The following KATNAL2 variants were observed in gnomAD, a reference collection of about 807,000 sequenced individuals.
The protein encoded by KATNAL2 is katanin catalytic subunit A1 like 2.
Under a neutral mutation model 76.3 loss-of-function variants are expected in KATNAL2, and 52 were observed. That is an observed-to-expected ratio of 0.68 (90% CI 0.55 to 0.86). The LOEUF is 0.86. Ranked by LOEUF, KATNAL2 falls within the 40% of genes least tolerant of loss-of-function variation. KATNAL2 has a pLI of 0.00. For missense variants in KATNAL2, 660 were observed against 668.9 expected, an observed-to-expected ratio of 0.99 and a Z score of 0.15; for synonymous variants, 243 against 244.2, an observed-to-expected ratio of 1.00 and a Z score of 0.05.
At chr18:47,031,374 G>A (rs1055086238) in intron 3 of KATNAL2, among the ~76,000 whole-genome samples, 5 of 151,840 alleles carry the variant, frequency 3.3e-5, no homozygotes, top group South Asian at 2.1e-4. Flanking sequence ...TGGCAGTTTC[G>A]CGTAATTTTT....
chr18:47,033,996 GGACTCACGAGTGCCC>G, intron 3 of KATNAL2: 1 of 1,613,854 alleles, frequency 6.2e-7, no homozygotes, highest in Non-Finnish European at 8.5e-7. Context: ...CCGAATCCCA[GGACTCACGAGTGCCC>G]TTGGATTCGT....
At chr18:46,952,298 C>A (rs887946278) in intron 3 of KATNAL2, among the ~76,000 whole-genome samples, 18 of 151,876 alleles carry the variant, frequency 1.2e-4, no homozygotes, top group African/African-American at 4.4e-4. Flanking sequence ...TGGTTTCAAA[C>A]CCCTGGCCTC....
chr18:46,955,140 C>CTCTTTCTTTTTCTTTCTTTCTT (rs1555834720), intron 3 of KATNAL2, among the ~76,000 whole-genome samples: 1 of 85,020 alleles, frequency 1.2e-5, no homozygotes, highest in Non-Finnish European at 2.3e-5. Flanking sequence ...CTTTCTCTCT[C>CTCTTTCTTTTTCTTTCTTTCTT]TCTTTCTTTC....
intron 3 of KATNAL2, among the ~76,000 whole-genome samples, chr18:46,959,639 C>T (rs570739638): frequency 6.6e-6 from 1 of 152,188 alleles, no homozygotes; most frequent in South Asian, 2.1e-4. Flanking sequence ...AGTAGCAAAA[C>T]CTTCGCTCAC....
At chr18:47,044,777 AC>A (rs1174491423) in intron 3 of KATNAL2, among the ~76,000 whole-genome samples, 1,618 of 145,132 alleles carry the variant, frequency 0.011, 30 homozygotes, top group Middle Eastern at 0.021. Flanking sequence ...AAAAACAAAA[AC>A]AAAAACAAAA....
At chr18:46,927,039 A>AT (rs1244663902) in intron 1 of KATNAL2, among the ~76,000 whole-genome samples, 1 of 151,994 alleles carries the variant, frequency 6.6e-6, no homozygotes, top group Non-Finnish European at 1.5e-5. Flanking sequence ...TTTTTATCCA[A>AT]TTTTCCAGTC....
At chr18:47,092,426 G>C (rs1264227929) in intron 15 of KATNAL2, among the ~76,000 whole-genome samples, 3 of 152,160 alleles carry the variant, frequency 2.0e-5, no homozygotes, top group African/African-American at 7.2e-5. Flanking sequence ...TTGAACCTGG[G>C]AGGTAGAGGT....
At position 47,032,769 on chromosome 18, in the gene KATNAL2, T is replaced by A. The variant is rs141215719; in HGVS notation, c.52-13688T>A. ...CAGTGAACATCCAAAATAGAATTGT[T>A]CCCAATGCGTTCATATCTTCTGAAT... On this transcript the variant is annotated intron_variant, in intron 3 of 17. Transcript: ENST00000683218. 3,606 of 692,710 alleles carry A rather than the reference T, an allele frequency of 5.2e-3. 14 individuals are homozygous for A. The highest frequency in any genetic ancestry group is 6.7e-3 in the Non-Finnish European group (2,816 of 421,844). The allele number at this position is 692,710 out of a possible 1,614,324, so 42.9% of individuals were successfully genotyped here. A position where few individuals can be genotyped will look rare whatever the true frequency, so the allele number is the denominator to read the frequency against.
At chr18:46,947,357 T>A (rs1268707535) in intron 3 of KATNAL2, among the ~76,000 whole-genome samples, 1 of 152,228 alleles carries the variant, frequency 6.6e-6, no homozygotes, top group Non-Finnish European at 1.5e-5. Context: ...GCGAGAGATC[T>A]TAGGCATTTA....
intron 3 of KATNAL2, among the ~76,000 whole-genome samples, chr18:46,961,154 A>AT (rs954226145): frequency 6.6e-6 from 1 of 152,080 alleles, no homozygotes; most frequent in Non-Finnish European, 1.5e-5. Flanking sequence ...AGATTTTTTA[A>AT]TTTTTTTCTT....
intron 3 of KATNAL2, among the ~76,000 whole-genome samples, chr18:47,046,046 A>G (rs2061146861): frequency 6.6e-6 from 1 of 152,190 alleles, no homozygotes; most frequent in Non-Finnish European, 1.5e-5. Flanking sequence ...TGAACTACAG[A>G]TATGGTAGCA....
intron 3 of KATNAL2, among the ~76,000 whole-genome samples, chr18:47,041,186 G>A (rs529026754): frequency 9.9e-5 from 15 of 152,256 alleles, no homozygotes; most frequent in Admixed American, 3.9e-4. Flanking sequence ...TTGTTAAATC[G>A]ATGAACCTAC....
Position 46,953,524 on chromosome 18 carries a change from G to A in KATNAL2, c.51+6601G>A, listed in dbSNP as rs184346408. Among the ~76,000 whole-genome samples the A allele has an allele frequency of 2.0e-3, 310 of 152,236 alleles. 1 individual carries two copies. The highest frequency in any genetic ancestry group is 3.6e-3 in the Non-Finnish European group (244 of 68,004). On this transcript the variant is annotated intron_variant, in intron 3 of 17. Transcript: ENST00000683218. ...ATGGTGGCACCACCCCTGTGTTAGA[G>A]GTGGGAGGGGTGCTTAAGTCCAGGA...
chr18:47,094,620 TGA>T (rs1292596888), intron 15 of KATNAL2, among the ~76,000 whole-genome samples: 1 of 152,176 alleles, frequency 6.6e-6, no homozygotes, highest in Non-Finnish European at 1.5e-5. Flanking sequence ...CTCCATGTAT[TGA>T]GATTTGACTG....
intron 3 of KATNAL2, chr18:47,034,053 G>A: frequency 6.2e-7 from 1 of 1,614,220 alleles, no homozygotes; most frequent in Non-Finnish European, 8.5e-7. Context: ...CAAGTGCAGT[G>A]GTGGCAGATT....
At chr18:46,940,171 A>C (rs2059206370) in intron 1 of KATNAL2, among the ~76,000 whole-genome samples, 1 of 152,120 alleles carries the variant, frequency 6.6e-6, no homozygotes, top group African/African-American at 2.4e-5. Context: ...GGCCTGTATG[A>C]CTCCAGAGCA....
rs1372950283 is a variant in KATNAL2 at position 46,957,235 on chromosome 18, C to G, written c.51+10312C>G. 3.4e-5 allele frequency among the ~76,000 whole-genome samples: 5 copies of G among 146,852 alleles called. No individual in the cohort carries two copies. The East Asian group carries it at 9.9e-4, about 29-fold the overall frequency. On this transcript the variant is annotated intron_variant, in intron 3 of 17. Transcript: ENST00000683218. Reference sequence around the variant, plus strand: ...GTTTGAATCAGTAGATTGAGAAAAGCAGATTGCCCTCTTCTTTTTTTTTTT... The same window carrying G: ...GTTTGAATCAGTAGATTGAGAAAAGGAGATTGCCCTCTTCTTTTTTTTTTT...
intron 10 of KATNAL2, among the ~76,000 whole-genome samples, chr18:47,065,542 G>T (rs1392474580): frequency 6.6e-6 from 1 of 151,950 alleles, no homozygotes; most frequent in Non-Finnish European, 1.5e-5. Context: ...GGTGGCATGT[G>T]CTGGTAGTCC....
intron 3 of KATNAL2, chr18:47,033,830 C>A (rs1344317531): frequency 6.2e-7 from 1 of 1,614,166 alleles, no homozygotes; most frequent in Non-Finnish European, 8.5e-7. Flanking sequence ...GAGTCAGAAT[C>A]CGAAAGCGGA....
Sources: gnomAD v4.1 joint callset for allele counts (sites outside exome capture counted in the v4.1 genomes callset) on GRCh38, gnomAD v4.1.1 for gene constraint, MANE v1.5 for transcripts, NCBI Gene and HGNC (gene_info 2026-07-23, HGNC 2026-07-21) for gene names.